PLOD1: variants seen among roughly 807,000 people sequenced by gnomAD.
The protein encoded by PLOD1 is lysine hydroxylase.
In PLOD1, 70 loss-of-function variants were observed where a neutral mutation model predicts 94.7. The observed-to-expected ratio is 0.74, with a 90% CI of 0.61 to 0.90. PLOD1 has a LOEUF of 0.90. Among genes scored for constraint, PLOD1 ranks in the 40% least tolerant of loss-of-function variants. PLOD1 has a pLI of 0.00. For missense variants in PLOD1, 905 were observed against 972.7 expected (o/e 0.93, Z 0.93); for synonymous variants, 417 against 400.2 (o/e 1.04, Z -0.50).
intron 12 of PLOD1, 81 bp from the exon 13 acceptor site, chr1:11,964,563 T>TC: frequency 1.4e-6 from 2 of 1,413,104 alleles, no homozygotes; most frequent in Non-Finnish European, 2.0e-6. Context: ...AGGCTATGAC[T>TC]CCCCACCACC....
intron 2 of PLOD1, 41 bp downstream of exon 2, chr1:11,948,108 G>A: frequency 1.5e-6 from 2 of 1,353,612 alleles, no homozygotes; most frequent in Non-Finnish European, 2.1e-6. Flanking sequence ...GTGAGGGGTG[G>A]CAGGAGGATC....
At chr1:11,953,208 A>C (rs925096710) in intron 5 of PLOD1, among the ~76,000 whole-genome samples, 48 of 151,812 alleles carry the variant, frequency 3.2e-4, no homozygotes, top group African/African-American at 1.1e-3. Context: ...GGCGTGCACC[A>C]CCACGTTTGG....
chr1:11,944,374 AG>A (rs1354923935), intron 1 of PLOD1: 1 of 323,486 alleles, frequency 3.1e-6, no homozygotes, highest in Non-Finnish European at 6.0e-6. Context: ...CTGCTGCTGG[AG>A]TTCAAGAGCC....
In PLOD1 at chr1:11,963,668, T is replaced by C; in HGVS notation, c.1202+32T>C. ...CTGCTCCGTCTGCACCCAGCACTGC[T>C]CAGGACTGGCCTGGTCCTGGGGTGG... On this transcript the variant is annotated intron_variant, in intron 11 of 18. Coordinates refer to ENST00000196061, the MANE Select transcript of PLOD1 (RefSeq NM_000302.4). This position sits in a 1 kb window ranked among gnomAD's most constrained non-coding sequence, Gnocchi z 4.3. The C allele has an allele frequency of 7.0e-7, 1 of 1,420,542 alleles. No homozygotes were observed. The highest frequency in any genetic ancestry group is 9.8e-7 in the Non-Finnish European group (1 of 1,021,818). The allele number at this position is 1,420,542 out of a possible 1,614,324, so 88.0% of individuals were successfully genotyped here.
intron 1 of PLOD1, 77 bp from the exon 2 acceptor site, chr1:11,947,899 C>G (rs1346112826): frequency 4.4e-6 from 4 of 911,892 alleles, no homozygotes; most frequent in Non-Finnish European, 7.4e-6. Context: ...TTTGACAGGT[C>G]ACTGGGAACA....
Position 11,963,411 on chromosome 1 carries a change from G to T in PLOD1, c.1098-121G>T. 1.4e-6 allele frequency: 1 copy of T among 719,744 alleles called. No individual in the cohort carries two copies. The highest frequency in any genetic ancestry group is 2.5e-6 in the Non-Finnish European group (1 of 395,968). 44.6% of individuals were successfully genotyped at this position (719,744 alleles called of 1,614,324 possible). On this transcript the variant is annotated intron_variant, in intron 10 of 18. Coordinates refer to ENST00000196061, the MANE Select transcript of PLOD1 (RefSeq NM_000302.4). This position sits in a 1 kb window ranked among gnomAD's most constrained non-coding sequence, Gnocchi z 4.3. ...TCGGGAGGAACCTTTGAGGCTGCTG[G>T]TGTGACCTCTCTAAAGCCCCTTGGC...
Position 11,960,696 on chromosome 1 carries a change from C to T in PLOD1, c.1026C>T (p.Ser342=), listed in dbSNP as rs140159343. 2.5e-5 allele frequency: 40 copies of T among 1,613,280 alleles called. No homozygotes were observed. Among genetic ancestry groups the T allele is most frequent in the African/African-American group, 5.3e-5 (4 of 74,858 alleles). The change falls in exon 10 of 19, where the codon AGC becomes AGT. Residue 342 remains serine (S), a synonymous_variant. Coordinates refer to ENST00000196061, the MANE Select transcript of PLOD1 (RefSeq NM_000302.4). ...AAGAGTTCCTGGCACAGCATGGCAG[C>T]GAGTACCAGTCTGTGAAGCTGGTGG... ...QVEEFLAQHG[S]EYQSVKLVGP...
intron 2 of PLOD1, among the ~76,000 whole-genome samples, chr1:11,948,661 C>T (rs967319601): frequency 4.0e-5 from 6 of 151,574 alleles, no homozygotes; most frequent in African/African-American, 7.3e-5. Flanking sequence ...ACCTGGGAGG[C>T]GGAGGTTGCA....
chr1:11,937,118 G>A (rs1336115947), intron 1 of PLOD1, among the ~76,000 whole-genome samples: 2 of 152,170 alleles, frequency 1.3e-5, no homozygotes, highest in Non-Finnish European at 2.9e-5. Context: ...AAAGTACCGG[G>A]ATTACAGGCG....
intron 9 of PLOD1, among the ~76,000 whole-genome samples, chr1:11,960,004 A>G (rs1352616134): frequency 6.9e-6 from 1 of 144,814 alleles, no homozygotes; most frequent in African/African-American, 2.6e-5. Context: ...ATCTTGGCTC[A>G]CTGCAACCTC....
chr1:11,950,269 A>T, intron 3 of PLOD1, 88 bp from the exon 4 acceptor site: 1 of 1,307,376 alleles, frequency 7.6e-7, no homozygotes, highest in Non-Finnish European at 1.1e-6. Flanking sequence ...TTTGTGGAGC[A>T]CTTGATCCCT....
Position 11,972,509 on chromosome 1 carries a change from T to C in PLOD1, c.1903-363T>C. 3.7e-6 allele frequency: 1 copy of C among 268,428 alleles called. No individual in the cohort carries two copies. The highest frequency in any genetic ancestry group is 7.5e-6 in the Non-Finnish European group (1 of 134,164). 16.6% of individuals were successfully genotyped at this position (268,428 alleles called of 1,614,324 possible). A position where few individuals can be genotyped will look rare whatever the true frequency, so the allele number is the denominator to read the frequency against. The stretch of plus-strand genomic sequence containing the variant: ...CTCAGGTGATCCGCCCACCTTGGCC[T>C]CCCAAAGTGCTGGAATTACAGGCGT... On this transcript the variant is annotated intron_variant, in intron 17 of 18. Transcript: ENST00000196061. The surrounding 1 kb of genome is among the most constrained non-coding windows in gnomAD (Gnocchi z 4.6).
intron 6 of PLOD1, among the ~76,000 whole-genome samples, chr1:11,955,954 G>A (rs547856187): frequency 6.6e-6 from 1 of 152,010 alleles, no homozygotes; most frequent in African/African-American, 2.4e-5. Flanking sequence ...TAGAGACAGG[G>A]TCTCACTATG....
At chr1:11,973,146 C>A (rs1395652131) in intron 18 of PLOD1, 149 bp downstream of exon 18, 6 of 805,290 alleles carry the variant, frequency 7.5e-6, no homozygotes, top group Non-Finnish European at 1.2e-5. Flanking sequence ...TGTGGGAGGG[C>A]TTCCTGGAAG....
intron 6 of PLOD1, 49 bp from the exon 7 acceptor site, chr1:11,956,868 C>T: frequency 1.5e-6 from 2 of 1,303,734 alleles, no homozygotes; most frequent in Non-Finnish European, 2.2e-6. Context: ...GACCCTGAGC[C>T]TGACCTCTGG....
Position 11,959,216 on chromosome 1 carries a change from A to AAAAT in PLOD1, c.975+589_975+592dup, listed in dbSNP as rs552992490. On this transcript the variant is annotated intron_variant, in intron 9 of 18. Transcript: ENST00000196061. ...GCAAAACTCCGTCTCAAAAAAAATA[A>AAAAT]AAATAAATAAATAAATAAATAAAAT... Among the ~76,000 whole-genome samples the AAAAT allele has an allele frequency of 1.7e-3, 266 of 152,138 alleles. 2 individuals are homozygous for AAAAT. Among genetic ancestry groups the AAAAT allele is most frequent in the African/African-American group, 5.4e-3 (222 of 41,494 alleles).
chr1:11,959,495 T>G (rs1256446972), intron 9 of PLOD1, among the ~76,000 whole-genome samples: 1 of 150,310 alleles, frequency 6.7e-6, no homozygotes, highest in Non-Finnish European at 1.5e-5. Context: ...CAGGCTGGAG[T>G]GCAGTGGCAC....
At position 11,958,621 on chromosome 1, in the gene PLOD1, C is replaced by A. The variant is rs1287367993; in HGVS notation, c.949C>A (p.His317Asn). ...CCTGCGGCTCCACTACCCCCAGAAA[C>A]ACATGCGACTTTTCATCCACAACCA... ...RLLRLHYPQK[H>N]MRLFIHNHEQ... Residue 317 changes from histidine to asparagine, a missense_variant, in exon 9 of 19, where the codon CAC (histidine) becomes AAC (asparagine). Physicochemically the swap from His to Asn is moderately conservative, Grantham distance 68. Transcript: ENST00000196061. The surrounding 1 kb of genome is among the most constrained non-coding windows in gnomAD (Gnocchi z 4.3). 6 of 1,614,184 alleles carry A rather than the reference C, an allele frequency of 3.7e-6. No homozygotes were observed. Among genetic ancestry groups the A allele is most frequent in the Non-Finnish European group, 4.2e-6 (5 of 1,180,038 alleles).
chr1:11,965,222 G>A (rs959854585), intron 13 of PLOD1, among the ~76,000 whole-genome samples: 12 of 150,982 alleles, frequency 7.9e-5, no homozygotes, highest in Non-Finnish European at 1.8e-4. Context: ...ACCAGAACAC[G>A]CTCCTTTTCT....
Sources: gnomAD v4.1 joint callset for allele counts (sites outside exome capture counted in the v4.1 genomes callset) on GRCh38, gnomAD v4.1.1 for gene constraint, Gnocchi (gnomAD v3.1) non-coding constraint, MANE v1.5 for transcripts, NCBI Gene and HGNC (gene_info 2026-07-23, HGNC 2026-07-21) for gene names.